FRMPD4: variants seen among roughly 807,000 people sequenced by gnomAD.
FRMPD4 encodes FERM and PDZ domain containing 4.
In FRMPD4, 22 loss-of-function variants were observed where a neutral mutation model predicts 94.1. The observed-to-expected ratio is 0.23, with a 90% CI of 0.17 to 0.33. The LOEUF (loss-of-function observed/expected upper bound fraction) is 0.33, where lower values mean the gene tolerates loss of function less well. FRMPD4 is among the 10% of genes least tolerant of loss of function. FRMPD4 has a pLI of 1.00. For missense variants in FRMPD4, 1,111 were observed against 1,339.9 expected (o/e 0.83, Z 2.67); for synonymous variants, 631 against 548.6 (o/e 1.15, Z -2.10).
intron 1 of FRMPD4, among the ~76,000 whole-genome samples, chrX:12,422,292 T>A (rs1255853975): frequency 8.9e-6 from 1 of 112,115 alleles, no homozygotes; most frequent in East Asian, 2.8e-4. Flanking sequence ...GAAACAGATA[T>A]CGTGTAGGAC....
At chrX:12,084,180 G>A (rs1161662834) in intron 3 of FRMPD4, among the ~76,000 whole-genome samples, 26 of 100,660 alleles carry the variant, frequency 2.6e-4, no homozygotes, top group Middle Eastern at 4.9e-3. Flanking sequence ...GACCCAGTGG[G>A]GGGGGGGGTA....
chrX:12,258,961 C>T (rs919677849), intron 1 of FRMPD4, among the ~76,000 whole-genome samples: 1 of 111,942 alleles, frequency 8.9e-6, no homozygotes, highest in Admixed American at 9.5e-5. Context: ...CTCTTCATTT[C>T]TCCCTCTTTC....
chrX:12,494,593 G>A (rs912951603), intron 1 of FRMPD4, among the ~76,000 whole-genome samples: 3 of 111,301 alleles, frequency 2.7e-5, no homozygotes, highest in Non-Finnish European at 5.7e-5. Context: ...TACCAAAGAG[G>A]CCTCCAGGTG....
At chrX:12,569,562 A>AT (rs2058742586) in intron 2 of FRMPD4, among the ~76,000 whole-genome samples, 1 of 50,260 alleles carries the variant, frequency 2.0e-5, no homozygotes, top group Non-Finnish European at 4.1e-5. Flanking sequence ...TTGGAAACTT[A>AT]GAAAAAATAG....
chrX:12,204,353 C>CT, intron 1 of FRMPD4, among the ~76,000 whole-genome samples: 1 of 112,298 alleles, frequency 8.9e-6, no homozygotes, highest in Non-Finnish European at 1.9e-5. Flanking sequence ...GAGTCTCTGT[C>CT]TTGATTCTAG....
intron 3 of FRMPD4, among the ~76,000 whole-genome samples, chrX:12,063,299 G>T (rs959923108): frequency 3.6e-5 from 4 of 111,495 alleles, no homozygotes; most frequent in Non-Finnish European, 7.5e-5. Flanking sequence ...GACCTGGGAG[G>T]TCGAGTCTGC....
intron 3 of FRMPD4, among the ~76,000 whole-genome samples, chrX:12,050,606 A>AT (rs2054811438): frequency 9.0e-6 from 1 of 110,971 alleles, no homozygotes; most frequent in South Asian, 3.7e-4. Context: ...GGTTTTATTG[A>AT]TTTTTTCTAT....
intron 1 of FRMPD4, among the ~76,000 whole-genome samples, chrX:12,206,420 A>C (rs1355120290): frequency 9.0e-6 from 1 of 111,712 alleles, no homozygotes; most frequent in Non-Finnish European, 1.9e-5. Context: ...GGCAGAGCCA[A>C]CCCTACTGTA....
At chrX:12,431,732 AT>A (rs2057012107) in intron 1 of FRMPD4, among the ~76,000 whole-genome samples, 1 of 112,216 alleles carries the variant, frequency 8.9e-6, no homozygotes, top group Non-Finnish European at 1.9e-5. Context: ...CTATAATAAA[AT>A]TCATGGTTGA....
intron 4 of FRMPD4, among the ~76,000 whole-genome samples, chrX:12,650,652 A>C (rs991639107): frequency 2.7e-5 from 3 of 112,531 alleles, no homozygotes; most frequent in African/African-American, 9.7e-5. Flanking sequence ...TTAATACCTC[A>C]GTAAGATGGG....
intron 2 of FRMPD4, among the ~76,000 whole-genome samples, chrX:12,521,684 T>A (rs2058162944): frequency 8.9e-6 from 1 of 112,115 alleles, no homozygotes; most frequent in Admixed American, 9.5e-5. Context: ...GGATGATATA[T>A]TTCTTAAAGG....
At chrX:11,982,835 T>A (rs1443675805) in intron 3 of FRMPD4, among the ~76,000 whole-genome samples, 1 of 112,387 alleles carries the variant, frequency 8.9e-6, no homozygotes, top group Non-Finnish European at 1.9e-5. Flanking sequence ...GTTAAAAATG[T>A]TTAATAGTTA....
At chrX:12,135,384 G>A, upstream of FRMPD4, among the ~76,000 whole-genome samples, 1 of 110,054 alleles carries the variant, frequency 9.1e-6, no homozygotes, top group Admixed American at 9.9e-5. Flanking sequence ...TGCCAAGATG[G>A]CTTAAAGATA....
At chrX:12,067,028 C>T (rs185070696) in intron 3 of FRMPD4, among the ~76,000 whole-genome samples, 120 of 109,772 alleles carry the variant, frequency 1.1e-3, no homozygotes, top group Non-Finnish European at 1.6e-3. Flanking sequence ...CACCACCATG[C>T]CCAGCTAGTT....
intron 3 of FRMPD4, among the ~76,000 whole-genome samples, chrX:12,128,009 CA>C (rs2055515503): frequency 1.8e-5 from 2 of 112,864 alleles, no homozygotes; most frequent in African/African-American, 6.4e-5. Flanking sequence ...TGTGGCTTTG[CA>C]AGGCACAGCC....
At chrX:12,699,786 C>T (rs957060649) in intron 9 of FRMPD4, among the ~76,000 whole-genome samples, 5 of 112,219 alleles carry the variant, frequency 4.5e-5, no homozygotes, top group Non-Finnish European at 9.4e-5. Flanking sequence ...AATGAAATCC[C>T]AAAGATACAA....
rs775232437 is a variant in FRMPD4 at position 12,445,501 on chromosome X, G to A, written c.42-53179G>A. 4.4e-5 allele frequency among the ~76,000 whole-genome samples: 5 copies of A among 112,735 alleles called. No homozygotes were observed. In the South Asian group the frequency reaches 1.8e-3, roughly 41 times the overall value. On this transcript the variant is annotated intron_variant, in intron 1 of 16. Transcript: ENST00000675598. The stretch of plus-strand genomic sequence containing the variant: ...ATAATAATCAGATCATTTGTTGAAT[G>A]CCTGTCACGTATAAGACACTCTTCT...
chrX:12,418,092 A>G (rs2148078431), intron 1 of FRMPD4, among the ~76,000 whole-genome samples: 1 of 110,356 alleles, frequency 9.1e-6, no homozygotes, highest in African/African-American at 3.3e-5. Context: ...CGTGACACCG[A>G]AAAGGTTCAG....
At chrX:12,635,471 G>A (rs926567299) in intron 4 of FRMPD4, among the ~76,000 whole-genome samples, 1 of 111,081 alleles carries the variant, frequency 9.0e-6, no homozygotes, top group Admixed American at 9.6e-5. Flanking sequence ...CTAACAACTC[G>A]AGGGGCTGAA....
Sources: allele counts gnomAD v4.1 joint callset (sites outside exome capture counted in the v4.1 genomes callset), GRCh38; gene constraint gnomAD v4.1.1; transcripts MANE v1.5; gene names NCBI Gene and HGNC (gene_info 2026-07-23, HGNC 2026-07-21).